The following JAML variants were observed in gnomAD, a reference collection of about 807,000 sequenced individuals.
The protein encoded by JAML is junctional adhesion molecule-like.
JAML carries 25 observed loss-of-function variants against 39.3 expected under a neutral mutation model. The observed-to-expected ratio is 0.64, with a 90% CI of 0.46 to 0.89. The LOEUF (loss-of-function observed/expected upper bound fraction) is 0.89, where lower values mean the gene tolerates loss of function less well. Ranked by LOEUF, JAML falls within the 40% of genes least tolerant of loss-of-function variation. The pLI is 0.00. For synonymous variants in JAML, 162 were observed against 179.2 expected (o/e 0.90, Z 0.77); for missense variants, 440 against 486.9 (o/e 0.90, Z 0.91).
intron 3 of JAML, among the ~76,000 whole-genome samples, chr11:118,211,420 T>A (rs947974738): frequency 6.6e-6 from 1 of 152,170 alleles, no homozygotes; most frequent in Non-Finnish European, 1.5e-5. Context: ...TTTTTGTGTT[T>A]GTTTTTTTAT....
intron 6 of JAML, chr11:118,202,524 C>G: frequency 5.6e-6 from 1 of 177,744 alleles, no homozygotes; most frequent in South Asian, 1.2e-4. Flanking sequence ...TCCTCTGCCT[C>G]AGGATGGCAG....
At chr11:118,202,767 C>G (rs1948834347) in intron 6 of JAML, 1 of 366,232 alleles carries the variant, frequency 2.7e-6, no homozygotes. Flanking sequence ...CAGCCAACCA[C>G]AGCCAACTCC....
In JAML at chr11:118,193,952, T is replaced by C; in HGVS notation, c.*373A>G. 1 of 195,504 alleles carries C rather than the reference T, an allele frequency of 5.1e-6. No individual in the cohort carries two copies. Among genetic ancestry groups the C allele is most frequent in the South Asian group, 1.0e-4 (1 of 9,598 alleles). The allele number at this position is 195,504 out of a possible 1,614,324, so 12.1% of individuals were successfully genotyped here. A position where few individuals can be genotyped will look rare whatever the true frequency, so the allele number is the denominator to read the frequency against. The stretch of plus-strand genomic sequence containing the variant: ...ACAAACAACACTTATTTAGAAATAA[T>C]GTGCCAGAGGAATGATTTGGGTTGG... On this transcript the variant is annotated 3_prime_UTR_variant, in exon 10 of 10. Transcript: ENST00000356289.
At chr11:118,207,126 C>T (rs1024203846) in intron 4 of JAML, among the ~76,000 whole-genome samples, 4 of 152,076 alleles carry the variant, frequency 2.6e-5, no homozygotes, top group Non-Finnish European at 5.9e-5. Context: ...ATTTTGAAAG[C>T]GATAAAAAAG....
intron 4 of JAML, chr11:118,209,236 G>T: frequency 4.7e-6 from 1 of 211,152 alleles, no homozygotes; most frequent in Non-Finnish European, 9.6e-6. Flanking sequence ...AATGACTCGG[G>T]CCACCACAGC....
intron 2 of JAML, chr11:118,212,838 A>G: frequency 6.2e-7 from 1 of 1,613,716 alleles, no homozygotes; most frequent in Non-Finnish European, 8.5e-7. Flanking sequence ...CTTCCTCCCA[A>G]CCTTTCTAAA....
chr11:118,205,909 T>A lies in JAML; in HGVS notation c.507A>T (p.Glu169Asp). ...STEVKHVTKV[E>D]WIFSGRRAKE... ...TTGCGCGCCGTCCTGAAAATATCCA[T>A]TCTACCTTGGTCACGTGTTTCACTT... Residue 169 changes from glutamate to aspartate, a missense_variant, in exon 5 of 10, where the codon GAA becomes GAT. Transcript: ENST00000356289. 1 of 1,614,100 alleles carries A rather than the reference T, an allele frequency of 6.2e-7. No homozygotes were observed. Among genetic ancestry groups the A allele is most frequent in the Non-Finnish European group, 8.5e-7 (1 of 1,179,958 alleles).
At position 118,213,880 on chromosome 11, in the gene JAML, A is replaced by G. The variant is rs116766435; in HGVS notation, c.43+944T>C. Among the ~76,000 whole-genome samples, 330 of 152,322 alleles carry G rather than the reference A, an allele frequency of 2.2e-3. 1 individual carries two copies. The highest frequency in any genetic ancestry group is 7.4e-3 in the African/African-American group (309 of 41,566). ...TCCACAGACCTCTAGGAAAATGTCT[A>G]AATACCTTCTGAGATCATTATAACC... On this transcript the variant is annotated intron_variant, in intron 2 of 9. Coordinates refer to ENST00000356289, the MANE Select transcript of JAML (RefSeq NM_001098526.2).
At chr11:118,197,858 AAGGCTTCCTG>A (rs1218662188) in intron 8 of JAML, 130 bp downstream of exon 8, 2 of 758,286 alleles carry the variant, frequency 2.6e-6, no homozygotes, top group East Asian at 5.2e-5. Flanking sequence ...TTTAGTGACA[AAGGCTTCCTG>A]AGTCCCTGCT....
intron 9 of JAML, among the ~76,000 whole-genome samples, chr11:118,195,970 T>C (rs1217019877): frequency 6.6e-6 from 1 of 151,956 alleles, no homozygotes; most frequent in Non-Finnish European, 1.5e-5. Context: ...TAGCTGGGAT[T>C]ACAGGTGCCC....
At chr11:118,207,447 C>G (rs1369545856) in intron 4 of JAML, among the ~76,000 whole-genome samples, 1 of 152,196 alleles carries the variant, frequency 6.6e-6, no homozygotes, top group African/African-American at 2.4e-5. Context: ...TTCTCACTCA[C>G]TCTACTGTGG....
At position 118,205,757 on chromosome 11, in the gene JAML, G is replaced by A. The variant is rs548334829; in HGVS notation, c.534+125C>T. ...AGAAAGCTGAAATTGCTAGGAGAAG[G>A]TCCAGTTCTGATAAGCACCAAAGCC... On this transcript the variant is annotated intron_variant, in intron 5 of 9. Transcript: ENST00000356289. 1.7e-4 allele frequency: 135 copies of A among 792,242 alleles called. No homozygotes were observed. The South Asian group carries it at 2.1e-3, about 12-fold the overall frequency. 49.1% of individuals were successfully genotyped at this position (792,242 alleles called of 1,614,324 possible).
intron 7 of JAML, 136 bp from the exon 8 acceptor site, chr11:118,198,227 A>G: frequency 1.4e-6 from 1 of 702,708 alleles, no homozygotes; most frequent in Admixed American, 2.6e-5. Context: ...TCCTACAGCC[A>G]GGGCTACCCG....
chr11:118,200,299 C>A (rs1948754923), intron 7 of JAML, among the ~76,000 whole-genome samples, 175 bp downstream of exon 7: 1 of 152,110 alleles, frequency 6.6e-6, no homozygotes, highest in African/African-American at 2.4e-5. Flanking sequence ...ATATTAAATT[C>A]TTTTCCCGGG....
At chr11:118,199,913 G>C (rs1385133154) in intron 7 of JAML, among the ~76,000 whole-genome samples, 1 of 151,904 alleles carries the variant, frequency 6.6e-6, no homozygotes, top group East Asian at 1.9e-4. Context: ...AGCAAGGATG[G>C]TCTCGATCTC....
intron 7 of JAML, among the ~76,000 whole-genome samples, chr11:118,199,619 T>C (rs1446005754): frequency 6.6e-6 from 1 of 151,994 alleles, no homozygotes; most frequent in Non-Finnish European, 1.5e-5. Context: ...TGTTGGAGCA[T>C]CTGGGCACTT....
intron 8 of JAML, 44 bp from the exon 9 acceptor site, chr11:118,196,865 A>T (rs955045444): frequency 2.0e-6 from 3 of 1,512,118 alleles, no homozygotes; most frequent in African/African-American, 1.4e-5. Context: ...AATTAGATGA[A>T]TCTTATACAC....
chr11:118,209,222 T>G (rs1948990829), intron 4 of JAML: 1 of 219,866 alleles, frequency 4.5e-6, no homozygotes, highest in South Asian at 7.3e-5. Context: ...AAAAAAACTT[T>G]CTAAATGACT....
chr11:118,200,327 G>T, intron 7 of JAML, 147 bp downstream of exon 7: 1 of 947,156 alleles, frequency 1.1e-6, no homozygotes, highest in Non-Finnish European at 1.5e-6. Context: ...AGCAAAGTGG[G>T]CAGGGTTACC....
Sources: allele counts gnomAD v4.1 joint callset (sites outside exome capture counted in the v4.1 genomes callset), GRCh38; gene constraint gnomAD v4.1.1; transcripts MANE v1.5; gene names NCBI Gene and HGNC (gene_info 2026-07-23, HGNC 2026-07-21).